The following JPH2 variants were observed in gnomAD, a reference collection of about 807,000 sequenced individuals.
JPH2 encodes junctophilin 2.
In JPH2, 38 loss-of-function variants were observed where a neutral mutation model predicts 55.9. That is an observed-to-expected ratio of 0.68 (90% CI 0.52 to 0.89). The LOEUF (loss-of-function observed/expected upper bound fraction) is 0.89. Among genes scored for constraint, JPH2 ranks in the 40% least tolerant of loss-of-function variants. JPH2 has a pLI of 0.00. For missense variants in JPH2, 964 were observed against 1,037.6 expected (o/e 0.93, Z 0.97); for synonymous variants, 480 against 472.4 (o/e 1.02, Z -0.21).
At chr20:44,153,006 G>A (rs753091847) in intron 2 of JPH2, among the ~76,000 whole-genome samples, 30 of 152,128 alleles carry the variant, frequency 2.0e-4, no homozygotes, top group Admixed American at 2.0e-3. Context: ...ATGTACTTAC[G>A]TATTTTTAAG....
rs550487344 is a variant in JPH2 at position 44,168,056 on chromosome 20, C to T, written c.380-7649G>A. On this transcript the variant is annotated intron_variant, in intron 1 of 5. Transcript: ENST00000372980. ...GAGGGTGGGTTGAAGATTAAATAAA[C>T]TGTGTGTGAGGCAGCTAGCTCAGTG... Among the ~76,000 whole-genome samples, 9 of 152,260 alleles carry T rather than the reference C, an allele frequency of 5.9e-5. No homozygotes were observed. The South Asian group carries it at 1.5e-3, about 25-fold the overall frequency.
intron 1 of JPH2, among the ~76,000 whole-genome samples, chr20:44,174,478 A>C (rs548434552): frequency 4.7e-4 from 71 of 152,302 alleles, no homozygotes; most frequent in Non-Finnish European, 8.5e-4. Flanking sequence ...ACTTTTTAAA[A>C]ATTGCAAAAG....
intron 1 of JPH2, among the ~76,000 whole-genome samples, chr20:44,170,157 A>G (rs2145887931): frequency 6.6e-6 from 1 of 152,288 alleles, no homozygotes; most frequent in African/African-American, 2.4e-5. Context: ...AGAAGTCCTT[A>G]CCTGATAGTC....
chr20:44,175,866 G>T (rs2072729610), intron 1 of JPH2, among the ~76,000 whole-genome samples: 1 of 152,208 alleles, frequency 6.6e-6, no homozygotes, highest in Non-Finnish European at 1.5e-5. Flanking sequence ...AGGCAAGAAA[G>T]GTCAAGGGGA....
At chr20:44,164,715 CA>C (rs1569213331) in intron 1 of JPH2, among the ~76,000 whole-genome samples, 10 of 131,894 alleles carry the variant, frequency 7.6e-5, no homozygotes, top group Non-Finnish European at 1.1e-4. Flanking sequence ...AACAAACAAA[CA>C]AACCTATAGT....
chr20:44,129,233 C>A (rs2072297797), intron 2 of JPH2, among the ~76,000 whole-genome samples: 1 of 152,118 alleles, frequency 6.6e-6, no homozygotes, highest in Non-Finnish European at 1.5e-5. Flanking sequence ...GAGCTCTCAG[C>A]CTAGAAGACC....
intron 2 of JPH2, among the ~76,000 whole-genome samples, chr20:44,152,771 C>G (rs927067288): frequency 6.6e-6 from 1 of 152,178 alleles, no homozygotes; most frequent in African/African-American, 2.4e-5. Flanking sequence ...CCATTTTGCT[C>G]ATTAGTTAAG....
At chr20:44,144,068 C>T (rs2072477088) in intron 2 of JPH2, among the ~76,000 whole-genome samples, 1 of 152,164 alleles carries the variant, frequency 6.6e-6, no homozygotes, top group South Asian at 2.1e-4. Context: ...TCAAGCCCTG[C>T]CTGGCTGTGA....
chr20:44,183,052 C>T (rs1600480385), intron 1 of JPH2, among the ~76,000 whole-genome samples: 1 of 152,134 alleles, frequency 6.6e-6, no homozygotes, highest in East Asian at 1.9e-4. Flanking sequence ...TACACACACA[C>T]ACAGACACGT....
chr20:44,160,542 G>A lies in JPH2; in HGVS notation c.380-135C>T. ...GGCGCAAGGCCGTCTGAGGGTCAGG[G>A]TGCACAGTGCTATGAGTGTTTGAGT... On this transcript the variant is annotated intron_variant, in intron 1 of 5. Transcript: ENST00000372980. The surrounding 1 kb of genome is among the most constrained non-coding windows in gnomAD (Gnocchi z 4.9). The A allele has an allele frequency of 1.2e-6, 1 of 855,274 alleles. No homozygotes were observed. Among genetic ancestry groups the A allele is most frequent in the Non-Finnish European group, 1.9e-6 (1 of 527,946 alleles). 53.0% of individuals were successfully genotyped at this position (855,274 alleles called of 1,614,324 possible).
At position 44,116,083 on chromosome 20, in the gene JPH2, C is replaced by T; in HGVS notation, c.1592G>A (p.Gly531Asp). Residue 531 changes from glycine to aspartate, a missense_variant, in exon 4 of 6, where the codon GGC (glycine) becomes GAC (aspartate). By Grantham distance (94) the Gly-to-Asp change is moderately conservative. Transcript: ENST00000372980. ...SRSVTPSEGA[G>D]RRSPARPATE... ...GGCTGGACGCGCGGGGCTGCGGCGG[C>T]CCGCGCCCTCGGACGGAGTGACTGA... 6.6e-7 allele frequency: 1 copy of T among 1,519,260 alleles called. No individual in the cohort carries two copies. The highest frequency in any genetic ancestry group is 2.1e-5 in the Admixed American group (1 of 48,404). 94.1% of individuals were successfully genotyped at this position (1,519,260 alleles called of 1,614,324 possible).
At chr20:44,185,104 G>T (rs1364006380) in intron 1 of JPH2, among the ~76,000 whole-genome samples, 6 of 152,002 alleles carry the variant, frequency 3.9e-5, no homozygotes, top group African/African-American at 1.4e-4. Context: ...TTTGAGACCA[G>T]CCTGGGCCAC....
At chr20:44,152,117 A>G (rs1418790944) in intron 2 of JPH2, among the ~76,000 whole-genome samples, 1 of 152,210 alleles carries the variant, frequency 6.6e-6, no homozygotes, top group Non-Finnish European at 1.5e-5. Flanking sequence ...GCCCACACTG[A>G]TTCACCACTG....
At position 44,159,656 on chromosome 20, in the gene JPH2, A is replaced by T. The variant is rs2072590495; in HGVS notation, c.1131T>A (p.Ala377=). ...TCTCGGCCTTCTGGCGCGCGATAGC[A>T]GCGGCGCGCTGGGCACCCTCCACAC... is the stretch of plus-strand genomic sequence containing the variant. ...EHSVEGAQRA[A]AIARQKAEIA... Residue 377 remains alanine, a synonymous_variant, in exon 2 of 6, where the codon GCT becomes GCA. Coordinates refer to ENST00000372980, the MANE Select transcript of JPH2 (RefSeq NM_020433.5). This position sits in a 1 kb window ranked among gnomAD's most constrained non-coding sequence, Gnocchi z 5.7. 1.2e-6 allele frequency: 2 copies of T among 1,609,416 alleles called. No individual in the cohort carries two copies. Among genetic ancestry groups the T allele is most frequent in the Non-Finnish European group, 1.7e-6 (2 of 1,179,918 alleles).
At chr20:44,122,695 C>A (rs74780086) in intron 2 of JPH2, among the ~76,000 whole-genome samples, 1 of 151,992 alleles carries the variant, frequency 6.6e-6, no homozygotes, top group Non-Finnish European at 1.5e-5. Flanking sequence ...TGAGAGGCAA[C>A]GCGTGAAAGT....
At chr20:44,143,872 A>T (rs1296642382) in intron 2 of JPH2, among the ~76,000 whole-genome samples, 1 of 152,164 alleles carries the variant, frequency 6.6e-6, no homozygotes, top group Non-Finnish European at 1.5e-5. Flanking sequence ...AGGGGCAGTG[A>T]GAGGAGCTGG....
chr20:44,184,043 G>C (rs997122401), intron 1 of JPH2, among the ~76,000 whole-genome samples: 3 of 148,320 alleles, frequency 2.0e-5, no homozygotes, highest in African/African-American at 7.5e-5. Context: ...GCCTGTCCCA[G>C]CTACTTGGGA....
chr20:44,121,394 C>T (rs529748124), intron 2 of JPH2, among the ~76,000 whole-genome samples: 3 of 152,152 alleles, frequency 2.0e-5, no homozygotes, highest in Middle Eastern at 3.4e-3. Context: ...ACTGGGCGCA[C>T]GGTAAGGGGG....
chr20:44,127,691 A>G (rs2072287336), intron 2 of JPH2, among the ~76,000 whole-genome samples: 1 of 151,564 alleles, frequency 6.6e-6, no homozygotes, highest in Non-Finnish European at 1.5e-5. Context: ...GGGTTTCATC[A>G]TGTTAGCCAG....
Sources: gnomAD v4.1 joint callset for allele counts (sites outside exome capture counted in the v4.1 genomes callset) on GRCh38, gnomAD v4.1.1 for gene constraint, Gnocchi (gnomAD v3.1) non-coding constraint, MANE v1.5 for transcripts, NCBI Gene and HGNC (gene_info 2026-07-23, HGNC 2026-07-21) for gene names.